Variants in CDH13 observed in about 807,000 individuals in gnomAD.
CDH13 encodes cadherin 13, also known as cadherin-13.
CDH13 carries 24 observed loss-of-function variants against 63.8 expected under a neutral mutation model. That is an observed-to-expected ratio of 0.38 (90% CI 0.27 to 0.53). The LOEUF is 0.53. Among genes scored for constraint, CDH13 ranks in the 20% least tolerant of loss-of-function variants. CDH13 has a pLI of 0.85. For missense variants in CDH13, 1,049 were observed against 903.1 expected (o/e 1.16, Z -2.07); for synonymous variants, 503 against 355.3 (o/e 1.42, Z -4.67).
intron 4 of CDH13, among the ~76,000 whole-genome samples, chr16:83,209,789 T>G (rs982653298): frequency 6.6e-6 from 1 of 150,558 alleles, no homozygotes; most frequent in Non-Finnish European, 1.5e-5. Context: ...AGAGCTCAGG[T>G]GGATGAGGTT....
chr16:82,708,112 T>G (rs1187136988), intron 1 of CDH13, among the ~76,000 whole-genome samples: 1 of 152,202 alleles, frequency 6.6e-6, no homozygotes, highest in Non-Finnish European at 1.5e-5. Flanking sequence ...TGCTTTTCAG[T>G]GCACGCATGG....
chr16:83,424,312 C>A (rs549437524), intron 6 of CDH13, among the ~76,000 whole-genome samples: 1 of 151,934 alleles, frequency 6.6e-6, no homozygotes, highest in East Asian at 1.9e-4. Context: ...AGAGGGAAAT[C>A]CAGCATGGAC....
chr16:83,166,368 C>A (rs527849996), intron 4 of CDH13, among the ~76,000 whole-genome samples: 2 of 152,096 alleles, frequency 1.3e-5, no homozygotes, highest in African/African-American at 4.8e-5. Context: ...ACCTCTCGGC[C>A]CAGACAGGAA....
At chr16:82,903,690 T>C (rs904656460) in intron 2 of CDH13, among the ~76,000 whole-genome samples, 1 of 152,194 alleles carries the variant, frequency 6.6e-6, no homozygotes, top group South Asian at 2.1e-4. Context: ...TCCCTTTCCT[T>C]AGGGGGCTGT....
At chr16:83,125,337 A>C (rs1301036174) in intron 3 of CDH13, 48 bp from the exon 4 acceptor site, 2 of 1,022,568 alleles carry the variant, frequency 2.0e-6, no homozygotes, top group Non-Finnish European at 3.1e-6. Context: ...AGACTGATAC[A>C]TCATTTCAAT....
chr16:83,618,174 C>A (rs1168562835), intron 8 of CDH13, among the ~76,000 whole-genome samples: 1 of 152,084 alleles, frequency 6.6e-6, no homozygotes, highest in Non-Finnish European at 1.5e-5. Flanking sequence ...CCTGTAATAC[C>A]AGCATTTTGG....
At chr16:83,245,374 T>C (rs1308058061) in intron 5 of CDH13, among the ~76,000 whole-genome samples, 1 of 152,224 alleles carries the variant, frequency 6.6e-6, no homozygotes, top group African/African-American at 2.4e-5. Flanking sequence ...TTTAAAAATT[T>C]ATGAATTATC....
intron 3 of CDH13, among the ~76,000 whole-genome samples, chr16:83,080,475 C>A (rs931058267): frequency 6.6e-6 from 1 of 152,168 alleles, no homozygotes; most frequent in Admixed American, 6.5e-5. Flanking sequence ...TTCTTGGGAG[C>A]CAGATGTTCC....
At chr16:82,880,059 C>G (rs2040646607) in intron 2 of CDH13, among the ~76,000 whole-genome samples, 1 of 148,888 alleles carries the variant, frequency 6.7e-6, no homozygotes, top group African/African-American at 2.5e-5. Flanking sequence ...ATTATATATA[C>G]TATTTATGTA....
chr16:82,699,737 A>T (rs1316279958), intron 1 of CDH13, among the ~76,000 whole-genome samples: 5 of 152,136 alleles, frequency 3.3e-5, no homozygotes, highest in Admixed American at 6.5e-5. Flanking sequence ...CCCACAATCC[A>T]AACAGTGCCA....
At chr16:83,275,599 G>A (rs1332720324) in intron 5 of CDH13, among the ~76,000 whole-genome samples, 1 of 152,148 alleles carries the variant, frequency 6.6e-6, no homozygotes, top group Admixed American at 6.5e-5. Flanking sequence ...GGCTTAAGGA[G>A]GGGGCACCAT....
chr16:83,606,706 G>GA (rs1908367303), intron 8 of CDH13, among the ~76,000 whole-genome samples: 1 of 142,466 alleles, frequency 7.0e-6, no homozygotes, highest in Admixed American at 7.0e-5. Context: ...CAGCCTGGGT[G>GA]ACAGAATGAG....
chr16:83,410,671 A>G (rs142646900), intron 6 of CDH13, among the ~76,000 whole-genome samples: 27 of 152,234 alleles, frequency 1.8e-4, no homozygotes, highest in Admixed American at 7.2e-4. Context: ...CCATTTATAT[A>G]TGCTACTCAT....
At chr16:82,700,895 G>T (rs1393322746) in intron 1 of CDH13, among the ~76,000 whole-genome samples, 1 of 135,396 alleles carries the variant, frequency 7.4e-6, no homozygotes. Flanking sequence ...CAAAGAAAAG[G>T]CCATGTAATT....
At chr16:83,176,512 GA>G (rs869250059) in intron 4 of CDH13, among the ~76,000 whole-genome samples, 12,225 of 71,722 alleles carry the variant, frequency 0.17, 457 homozygotes, top group South Asian at 0.21. Flanking sequence ...TCCAGCTAGA[GA>G]AAAAAAAAAA....
chr16:83,266,696 G>T (rs954761647), intron 5 of CDH13, among the ~76,000 whole-genome samples: 2 of 152,178 alleles, frequency 1.3e-5, no homozygotes, highest in Non-Finnish European at 2.9e-5. Flanking sequence ...CAATATTTCC[G>T]ATATGGATGT....
At chr16:82,746,541 A>T (rs1414733461) in intron 1 of CDH13, among the ~76,000 whole-genome samples, 1 of 152,154 alleles carries the variant, frequency 6.6e-6, no homozygotes, top group Non-Finnish European at 1.5e-5. Flanking sequence ...TTACTTTAGC[A>T]GAAATATGAC....
chr16:82,717,867 G>T (rs540445921), intron 1 of CDH13, among the ~76,000 whole-genome samples: 4 of 29,386 alleles, frequency 1.4e-4, no homozygotes, highest in Non-Finnish European at 2.1e-4. Context: ...ATCAGTTAGT[G>T]GGGGGGAAGT....
chr16:82,653,577 G>C (rs181955254), intron 1 of CDH13, among the ~76,000 whole-genome samples: 2 of 152,138 alleles, frequency 1.3e-5, no homozygotes, highest in South Asian at 4.1e-4. Context: ...GTTCATGCTT[G>C]GGGGAAGCTG....
Sources: allele counts gnomAD v4.1 joint callset (sites outside exome capture counted in the v4.1 genomes callset), GRCh38; gene constraint gnomAD v4.1.1; transcripts MANE v1.5; gene names NCBI Gene and HGNC (gene_info 2026-07-23, HGNC 2026-07-21).